SYT1: variants seen among roughly 807,000 people sequenced by gnomAD.
SYT1 encodes synaptotagmin-1.
Under a neutral mutation model 44.8 loss-of-function variants are expected in SYT1, and 8 were observed. That is an observed-to-expected ratio of 0.18 (90% CI 0.10 to 0.32). The LOEUF (loss-of-function observed/expected upper bound fraction) is 0.32. Among genes scored for constraint, SYT1 ranks in the 10% least tolerant of loss-of-function variants. The pLI is 1.00. For missense variants in SYT1, 286 were observed against 509.3 expected, an observed-to-expected ratio of 0.56 and a Z score of 4.22; for synonymous variants, 154 against 188.8, an observed-to-expected ratio of 0.82 and a Z score of 1.51.
At chr12:79,070,205 C>G (rs1209273177) in intron 3 of SYT1, among the ~76,000 whole-genome samples, 1 of 152,118 alleles carries the variant, frequency 6.6e-6, no homozygotes, top group Non-Finnish European at 1.5e-5. Flanking sequence ...ACCCAGGAAT[C>G]TAGATACATG....
intron 4 of SYT1, among the ~76,000 whole-genome samples, chr12:79,265,065 A>G (rs982189288): frequency 3.3e-5 from 5 of 152,112 alleles, no homozygotes; most frequent in Non-Finnish European, 5.9e-5. Context: ...GTTTTTTTCA[A>G]CCAAGTTTTC....
At chr12:78,873,276 C>A (rs962317182) in intron 1 of SYT1, among the ~76,000 whole-genome samples, 1 of 151,658 alleles carries the variant, frequency 6.6e-6, no homozygotes, top group African/African-American at 2.4e-5. Flanking sequence ...TTTTGTAATT[C>A]TCTTACTATG....
intron 9 of SYT1, among the ~76,000 whole-genome samples, chr12:79,373,123 A>C (rs1214828597): frequency 6.6e-6 from 1 of 152,218 alleles, no homozygotes; most frequent in Non-Finnish European, 1.5e-5. Flanking sequence ...TTTCATCAAA[A>C]AAAGTAATTA....
At chr12:78,916,518 G>A (rs1416503853) in intron 1 of SYT1, among the ~76,000 whole-genome samples, 1 of 151,554 alleles carries the variant, frequency 6.6e-6, no homozygotes, top group Non-Finnish European at 1.5e-5. Context: ...CTACTTTTTT[G>A]TAGTCTTGCA....
At chr12:79,161,013 G>A (rs1259646868) in intron 3 of SYT1, among the ~76,000 whole-genome samples, 2 of 152,016 alleles carry the variant, frequency 1.3e-5, no homozygotes, top group Admixed American at 6.6e-5. Context: ...CAGGTGGATC[G>A]TTTGAGCCCA....
intron 2 of SYT1, among the ~76,000 whole-genome samples, chr12:79,035,933 A>AAAAC (rs1213599179): frequency 2.7e-5 from 4 of 150,348 alleles, no homozygotes; most frequent in South Asian, 2.1e-4. Flanking sequence ...ATGAGAAAAC[A>AAAAC]AAACAAACAA....
chr12:79,429,452 G>T (rs143076382), intron 9 of SYT1, among the ~76,000 whole-genome samples: 321 of 151,900 alleles, frequency 2.1e-3, no homozygotes, highest in African/African-American at 6.6e-3. Context: ...CAAGTGATAC[G>T]CCCGTCTCGG....
chr12:79,184,657 A>C (rs1255850159), intron 3 of SYT1, among the ~76,000 whole-genome samples: 1 of 152,040 alleles, frequency 6.6e-6, no homozygotes. Flanking sequence ...CTATATTAAG[A>C]GATAATATCC....
chr12:79,303,352 G>T (rs1396084529), intron 8 of SYT1, among the ~76,000 whole-genome samples: 1 of 151,164 alleles, frequency 6.6e-6, no homozygotes, highest in Non-Finnish European at 1.5e-5. Context: ...ACTGATATTT[G>T]TTATCTCTAA....
intron 1 of SYT1, among the ~76,000 whole-genome samples, chr12:78,877,098 A>G (rs1874212442): frequency 6.7e-6 from 1 of 149,792 alleles, no homozygotes; most frequent in Non-Finnish European, 1.5e-5. Flanking sequence ...TGAGTGTATT[A>G]GTCTGTTCTC....
Position 79,179,393 on chromosome 12 carries a change from G to GATATATCTATAT in SYT1, c.-17-38106_-17-38105insATCTATATATAT, listed in dbSNP as rs370886492. On this transcript the variant is annotated intron_variant, in intron 3 of 10. Transcript: ENST00000261205. ...ATATAGATATAGATATATCGATATA[G>GATATATCTATAT]ATATCCATATAGATATAGATATAGA... is the stretch of plus-strand genomic sequence containing the variant. Among the ~76,000 whole-genome samples, 56 of 58,530 alleles carry GATATATCTATAT rather than the reference G, an allele frequency of 9.6e-4. 3 individuals carry two copies. In the East Asian group the frequency reaches 0.015, roughly 15 times the overall value. 38.4% of individuals were successfully genotyped at this position (58,530 alleles called of 152,430 possible).
At chr12:78,971,655 C>T (rs1013907579) in intron 1 of SYT1, among the ~76,000 whole-genome samples, 9 of 152,048 alleles carry the variant, frequency 5.9e-5, no homozygotes, top group East Asian at 3.8e-4. Context: ...GAAGCTAAAA[C>T]GTGTATTTCT....
At chr12:79,350,054 T>C (rs190380992) in intron 8 of SYT1, among the ~76,000 whole-genome samples, 26 of 152,126 alleles carry the variant, frequency 1.7e-4, no homozygotes, top group Non-Finnish European at 3.1e-4. Flanking sequence ...TTCCAAAAAT[T>C]CGTACTGGCA....
intron 8 of SYT1, among the ~76,000 whole-genome samples, chr12:79,326,540 A>G (rs995385500): frequency 6.6e-6 from 1 of 152,184 alleles, no homozygotes; most frequent in African/African-American, 2.4e-5. Flanking sequence ...GCCCTTTGGA[A>G]AAAAAATACT....
chr12:79,025,968 T>A (rs1300027470), intron 2 of SYT1, among the ~76,000 whole-genome samples: 1 of 151,652 alleles, frequency 6.6e-6, no homozygotes, highest in Non-Finnish European at 1.5e-5. Context: ...CCCTCAGTGC[T>A]AGATATAAGA....
chr12:79,274,387 C>T (rs995963088), intron 4 of SYT1, among the ~76,000 whole-genome samples: 6 of 152,192 alleles, frequency 3.9e-5, no homozygotes, highest in African/African-American at 7.2e-5. Flanking sequence ...GTGTGAGACA[C>T]ACCATGTCAG....
At position 79,345,494 on chromosome 12, in the gene SYT1, G is replaced by A. The variant is rs181192345; in HGVS notation, c.811-8008G>A. The stretch of plus-strand genomic sequence containing the variant: ...AATTATTTTTTAATAAGAAATGAAC[G>A]AATATAAACCAATGAGTTACAGAGT... On this transcript the variant is annotated intron_variant, in intron 8 of 10. Coordinates refer to ENST00000261205, the MANE Select transcript of SYT1 (RefSeq NM_005639.3). 1.4e-3 allele frequency among the ~76,000 whole-genome samples: 207 copies of A among 152,272 alleles called. 2 individuals are homozygous for A. The South Asian group carries it at 0.015, about 11-fold the overall frequency.
chr12:79,336,869 G>C (rs1203836708), intron 8 of SYT1, among the ~76,000 whole-genome samples: 1 of 151,878 alleles, frequency 6.6e-6, no homozygotes, highest in African/African-American at 2.4e-5. Context: ...TGGAGACAGG[G>C]TCTTGTTTTG....
chr12:79,235,138 C>T (rs1592881612), intron 4 of SYT1, among the ~76,000 whole-genome samples: 2 of 152,170 alleles, frequency 1.3e-5, no homozygotes, highest in African/African-American at 4.8e-5. Flanking sequence ...TCTGGTAGTA[C>T]AGAAGTATAT....
Sources: allele counts gnomAD v4.1 joint callset (sites outside exome capture counted in the v4.1 genomes callset), GRCh38; gene constraint gnomAD v4.1.1; transcripts MANE v1.5; gene names NCBI Gene and HGNC (gene_info 2026-07-23, HGNC 2026-07-21).